LCOR: variants seen among roughly 807,000 people sequenced by gnomAD.
LCOR encodes ligand dependent nuclear receptor corepressor.
A neutral mutation model predicts 64.4 loss-of-function variants in LCOR; 14 were observed. The observed-to-expected ratio is 0.22, with a 90% CI of 0.14 to 0.34. The LOEUF is 0.34. Ranked by LOEUF, LCOR falls within the 10% of genes least tolerant of loss-of-function variation. The pLI is 1.00. For missense variants in LCOR, 1,686 were observed against 1,765.3 expected (o/e 0.96, Z 0.80); for synonymous variants, 643 against 642.5 (o/e 1.00, Z -0.01).
rs1194983299 is a variant in LCOR at position 96,958,414 on chromosome 10, G to A, written c.332+6218G>A. The A allele has an allele frequency of 6.1e-6, 9 of 1,468,662 alleles. No individual in the cohort carries two copies. In the East Asian group the frequency reaches 2.2e-4, roughly 36 times the overall value. 91.0% of individuals were successfully genotyped at this position (1,468,662 alleles called of 1,614,324 possible). On this transcript the variant is annotated intron_variant, in intron 7 of 7. Coordinates refer to ENST00000421806, the MANE Select transcript of LCOR (RefSeq NM_001346516.2). ...AATATTTTCTATGTGTGTTTCAGTG[G>A]ATGACAATCGAGCAGCAGAAGAATG...
At chr10:96,865,874 C>CAA (rs57814101) in intron 2 of LCOR, among the ~76,000 whole-genome samples, 2,551 of 88,870 alleles carry the variant, frequency 0.029, 80 homozygotes, top group African/African-American at 0.082. Flanking sequence ...GACTCTGTCT[C>CAA]AAAAAAAAAA....
Position 96,982,715 on chromosome 10 carries a change from C to T in LCOR, c.2255C>T (p.Thr752Ile), listed in dbSNP as rs1848103522. 1.4e-5 allele frequency: 23 copies of T among 1,614,154 alleles called. No individual in the cohort carries two copies. Among genetic ancestry groups the T allele is most frequent in the East Asian group, 2.2e-5 (1 of 44,886 alleles). Residue 752 changes from threonine to isoleucine, a missense_variant, in exon 8 of 8, where the codon ACT becomes ATT. By Grantham distance (89) the Thr-to-Ile change is moderately conservative. This residue lies in a region of LCOR where 1,293 missense variants were observed against 1,410.4 expected (regional missense o/e 0.92). Transcript: ENST00000421806. ...GACCCACTCTTGAAGGAAAGCAGCA[C>T]TTTTACTGATGAAAACCCCAGTGAA... is the stretch of plus-strand genomic sequence containing the variant. ...NVDPLLKESS[T>I]FTDENPSETE... is the part of the protein sequence containing the mutation.
chr10:96,983,770 G>C lies in LCOR; in HGVS notation c.3310G>C (p.Glu1104Gln). ...EQPKFMEWCA[E>Q]EENQELIANF... ...GCCAAAGTTTATGGAATGGTGTGCT[G>C]AGGAGGAGAACCAAGAGCTCATCGC... Residue 1104 changes from glutamate (E) to glutamine (Q), a missense_variant, in exon 8 of 8, where the codon GAG (glutamate) becomes CAG (glutamine). By Grantham distance (29) the Glu-to-Gln change is conservative (BLOSUM62 2). This residue lies in a region of LCOR where 1,293 missense variants were observed against 1,410.4 expected (regional missense o/e 0.92). Coordinates refer to ENST00000421806, the MANE Select transcript of LCOR (RefSeq NM_001346516.2). The surrounding 1 kb of genome is among the most constrained non-coding windows in gnomAD (Gnocchi z 4.5). 2 of 1,614,194 alleles carry C rather than the reference G, an allele frequency of 1.2e-6. No individual in the cohort carries two copies. Among genetic ancestry groups the C allele is most frequent in the Non-Finnish European group, 1.7e-6 (2 of 1,180,028 alleles).
intron 2 of LCOR, among the ~76,000 whole-genome samples, chr10:96,895,233 CTCTG>C (rs560664389): frequency 5.7e-4 from 87 of 152,292 alleles, no homozygotes; most frequent in African/African-American, 2.0e-3. Context: ...TGAACTAGAT[CTCTG>C]TCTGCCAAAC....
At chr10:96,850,866 A>G (rs1205998229) in intron 2 of LCOR, among the ~76,000 whole-genome samples, 1 of 152,230 alleles carries the variant, frequency 6.6e-6, no homozygotes, top group African/African-American at 2.4e-5. Flanking sequence ...ACAAGCCTGT[A>G]ATGCTGATGA....
At chr10:96,952,656 A>G (rs762014166) in intron 7 of LCOR, among the ~76,000 whole-genome samples, 6 of 152,114 alleles carry the variant, frequency 3.9e-5, no homozygotes, top group Non-Finnish European at 7.4e-5. Flanking sequence ...CAGAAAATGT[A>G]GTTTTCTGAA....
intron 7 of LCOR, chr10:96,962,904 C>G (rs1485155303): frequency 6.6e-6 from 1 of 152,234 alleles, no homozygotes; most frequent in Non-Finnish European, 1.5e-5. Context: ...AGCTTGTACA[C>G]ACTGTTTAAA....
At chr10:96,869,499 GC>G (rs2134403513) in intron 2 of LCOR, among the ~76,000 whole-genome samples, 1 of 152,058 alleles carries the variant, frequency 6.6e-6, no homozygotes, top group South Asian at 2.1e-4. Context: ...ACAGGTATGA[GC>G]CATCGTACCT....
chr10:96,979,865 C>T (rs1028603009), intron 7 of LCOR, among the ~76,000 whole-genome samples: 3 of 152,198 alleles, frequency 2.0e-5, no homozygotes, highest in South Asian at 2.1e-4. Context: ...AGTTCTCAGC[C>T]GAGTGCGGCG....
chr10:96,834,173 A>G (rs1302105114), intron 2 of LCOR, among the ~76,000 whole-genome samples: 2 of 152,264 alleles, frequency 1.3e-5, no homozygotes, highest in Non-Finnish European at 2.9e-5. Context: ...AGTTTCGTTA[A>G]GGATTTAGAC....
At chr10:96,889,404 G>A (rs918527880) in intron 2 of LCOR, among the ~76,000 whole-genome samples, 10 of 152,200 alleles carry the variant, frequency 6.6e-5, no homozygotes, top group African/African-American at 2.4e-4. Context: ...CTGAAGGCTG[G>A]AAGTACAGAT....
At chr10:96,915,709 C>G (rs1846929694) in intron 4 of LCOR, 3 of 714,920 alleles carry the variant, frequency 4.2e-6, no homozygotes, top group South Asian at 4.0e-5. Flanking sequence ...GGTTATTCAC[C>G]TCCTTGCCAG....
At chr10:96,890,835 TATG>T (rs1381834604) in intron 2 of LCOR, among the ~76,000 whole-genome samples, 1 of 152,244 alleles carries the variant, frequency 6.6e-6, no homozygotes, top group Admixed American at 6.5e-5. Context: ...ATTCTGTTAA[TATG>T]GTGACTTTTT....
At position 96,983,698 on chromosome 10, in the gene LCOR, G is replaced by A; in HGVS notation, c.3238G>A (p.Gly1080Arg). The change falls in exon 8 of 8, where the codon GGA becomes AGA. Residue 1080 changes from glycine to arginine, a missense_variant. Gly to Arg is a moderately radical substitution (Grantham distance 125, BLOSUM62 -2). Coordinates refer to ENST00000421806, the MANE Select transcript of LCOR (RefSeq NM_001346516.2). This position sits in a 1 kb window ranked among gnomAD's most constrained non-coding sequence, Gnocchi z 4.5. ...AAAGGAAAATGGAGCTTCAGAGAGTGGAGACCCCCTAGATGAGGACGATGT... is the reference window on the plus strand; with the variant it reads ...AAAGGAAAATGGAGCTTCAGAGAGTAGAGACCCCCTAGATGAGGACGATGT... ...MPKENGASES[G>R]DPLDEDDVDT... 1 of 1,614,168 alleles carries A rather than the reference G, an allele frequency of 6.2e-7. No homozygotes were observed. Among genetic ancestry groups the A allele is most frequent in the Non-Finnish European group, 8.5e-7 (1 of 1,180,034 alleles).
intron 7 of LCOR, among the ~76,000 whole-genome samples, chr10:96,953,629 A>G (rs1847719346): frequency 6.6e-6 from 1 of 152,236 alleles, no homozygotes; most frequent in African/African-American, 2.4e-5. Flanking sequence ...TGCAGTTTGC[A>G]TAAACAAATC....
At chr10:96,882,444 G>C (rs1846278798) in intron 2 of LCOR, among the ~76,000 whole-genome samples, 1 of 152,138 alleles carries the variant, frequency 6.6e-6, no homozygotes, top group Non-Finnish European at 1.5e-5. Context: ...TTTATTTCTA[G>C]AGTAATTTTA....
intron 4 of LCOR, among the ~76,000 whole-genome samples, chr10:96,910,233 A>ACT (rs1160994120): frequency 6.6e-6 from 1 of 151,760 alleles, no homozygotes; most frequent in African/African-American, 2.4e-5. Context: ...ACAGATAGAG[A>ACT]AAGTCATGAA....
At chr10:96,833,370 TCA>T (rs1845381891) in intron 1 of LCOR, 34 bp from the exon 2 acceptor site, 9 of 983,974 alleles carry the variant, frequency 9.1e-6, no homozygotes, top group Middle Eastern at 5.2e-4. Context: ...GCTGCGCCTC[TCA>T]CACTGTGTGT....
At chr10:96,978,963 A>T (rs1412446320) in intron 7 of LCOR, among the ~76,000 whole-genome samples, 2 of 152,218 alleles carry the variant, frequency 1.3e-5, no homozygotes, top group African/African-American at 4.8e-5. Flanking sequence ...AGGTTCAGAG[A>T]GATGACGTAA....
Sources: gnomAD v4.1 joint callset for allele counts (sites outside exome capture counted in the v4.1 genomes callset) on GRCh38, gnomAD v4.1.1 for gene constraint, gnomAD v4.1.1 regional missense constraint, Gnocchi (gnomAD v3.1) non-coding constraint, MANE v1.5 for transcripts, NCBI Gene and HGNC (gene_info 2026-07-23, HGNC 2026-07-21) for gene names.